The following CDH6 variants were observed in gnomAD, a reference collection of about 807,000 sequenced individuals.
CDH6 encodes the protein cadherin 6.
In CDH6, 31 loss-of-function variants were observed where a neutral mutation model predicts 78.0. The observed-to-expected ratio is 0.40, with a 90% CI of 0.30 to 0.54. CDH6 has a LOEUF of 0.54. Among genes scored for constraint, CDH6 ranks in the 20% least tolerant of loss-of-function variants. The probability of loss-of-function intolerance (pLI) is 0.56; values close to 1 mark genes in which losing one functional copy is unlikely to be tolerated. For synonymous variants in CDH6, 376 were observed against 368.8 expected (o/e 1.02, Z -0.23); for missense variants, 724 against 975.9 (o/e 0.74, Z 3.44).
intron 1 of CDH6, among the ~76,000 whole-genome samples, chr5:31,207,000 A>T (rs541891603): frequency 4.6e-5 from 7 of 152,270 alleles, no homozygotes; most frequent in African/African-American, 1.4e-4. Context: ...TTTGCCACAA[A>T]GCACAAAGCC....
At chr5:31,210,076 TTGTGTGTG>T (rs60543109) in intron 1 of CDH6, among the ~76,000 whole-genome samples, 7 of 146,466 alleles carry the variant, frequency 4.8e-5, no homozygotes, top group Non-Finnish European at 1.1e-4. Context: ...TTTTCTTAAA[TTGTGTGTG>T]TGTGTGTGTG....
Position 31,323,456 on chromosome 5 carries a change from C to T in CDH6, c.*148C>T. ...GTCCGTGTGGATCCAATGTTAGAGA[C>T]TTTTTTCTAGTACACTTTTATGAGC... is the stretch of plus-strand genomic sequence containing the variant. On this transcript the variant is annotated 3_prime_UTR_variant, in exon 12 of 12. Coordinates refer to ENST00000265071, the MANE Select transcript of CDH6 (RefSeq NM_004932.4). 4.4e-6 allele frequency: 4 copies of T among 909,344 alleles called. No homozygotes were observed. The highest frequency in any genetic ancestry group is 2.7e-5 in the Admixed American group (1 of 36,654). The allele number at this position is 909,344 out of a possible 1,614,324, so 56.3% of individuals were successfully genotyped here. A position where few individuals can be genotyped will look rare whatever the true frequency, so the allele number is the denominator to read the frequency against.
At chr5:31,252,225 A>G (rs1009227791) in intron 1 of CDH6, among the ~76,000 whole-genome samples, 1 of 152,198 alleles carries the variant, frequency 6.6e-6, no homozygotes, top group African/African-American at 2.4e-5. Flanking sequence ...ATTTACAGTC[A>G]TAAGAAAGAA....
intron 3 of CDH6, among the ~76,000 whole-genome samples, chr5:31,295,297 A>G (rs1185142126): frequency 2.0e-5 from 3 of 152,128 alleles, no homozygotes; most frequent in African/African-American, 4.8e-5. Context: ...TATAGCAGCA[A>G]TAGAATGGCA....
At chr5:31,199,846 A>T (rs1401214353) in intron 1 of CDH6, among the ~76,000 whole-genome samples, 1 of 151,866 alleles carries the variant, frequency 6.6e-6, no homozygotes, top group African/African-American at 2.4e-5. Flanking sequence ...AGTATTTTAC[A>T]TGCATTTCGC....
chr5:31,285,314 A>G (rs1742982111), intron 2 of CDH6, among the ~76,000 whole-genome samples: 1 of 152,116 alleles, frequency 6.6e-6, no homozygotes, highest in African/African-American at 2.4e-5. Context: ...TTTTTCTCCC[A>G]TCAGTAGTCT....
intron 1 of CDH6, among the ~76,000 whole-genome samples, 189 bp downstream of exon 1, chr5:31,194,075 G>A (rs1740092892): frequency 6.6e-6 from 1 of 152,086 alleles, no homozygotes; most frequent in Non-Finnish European, 1.5e-5. Flanking sequence ...CGCGGGCGGC[G>A]CTGCTGCCGC....
At chr5:31,305,080 A>G (rs146519008) in intron 6 of CDH6, 94 bp from the exon 7 acceptor site, 27 of 1,229,052 alleles carry the variant, frequency 2.2e-5, no homozygotes, top group Non-Finnish European at 2.8e-5. Flanking sequence ...GCATTCATTT[A>G]TCAGTGGTTT....
At chr5:31,322,117 C>T (rs879700964) in intron 11 of CDH6, among the ~76,000 whole-genome samples, 38 of 152,146 alleles carry the variant, frequency 2.5e-4, no homozygotes, top group Non-Finnish European at 4.7e-4. Flanking sequence ...ATCTCACTTA[C>T]ATGTATTTAT....
chr5:31,308,010 G>T (rs1389752607), intron 7 of CDH6, among the ~76,000 whole-genome samples: 2 of 152,074 alleles, frequency 1.3e-5, no homozygotes, highest in African/African-American at 4.8e-5. Context: ...AATACTTATA[G>T]ATATATTGGT....
intron 2 of CDH6, among the ~76,000 whole-genome samples, chr5:31,271,231 A>T (rs892453286): frequency 2.0e-5 from 3 of 152,180 alleles, no homozygotes; most frequent in African/African-American, 7.2e-5. Flanking sequence ...TCATCGTAGG[A>T]TGGTGGAGTG....
chr5:31,239,289 C>A (rs984163483), intron 1 of CDH6, among the ~76,000 whole-genome samples: 4 of 152,048 alleles, frequency 2.6e-5, no homozygotes, highest in Admixed American at 6.6e-5. Flanking sequence ...TGCCAAGGGC[C>A]ACAGAACAAA....
chr5:31,236,581 A>G (rs1741459983), intron 1 of CDH6, among the ~76,000 whole-genome samples: 1 of 152,136 alleles, frequency 6.6e-6, no homozygotes, highest in Non-Finnish European at 1.5e-5. Flanking sequence ...AAACACCATT[A>G]AATCCTCTCC....
intron 6 of CDH6, among the ~76,000 whole-genome samples, chr5:31,304,244 C>A (rs1476900273): frequency 6.6e-6 from 1 of 152,000 alleles, no homozygotes; most frequent in Admixed American, 6.5e-5. Flanking sequence ...CAATGCAAAC[C>A]TGTGGCTCTC....
intron 8 of CDH6, 93 bp downstream of exon 8, chr5:31,313,547 C>A (rs1399079522): frequency 1.8e-5 from 22 of 1,190,340 alleles, no homozygotes; most frequent in Non-Finnish European, 2.5e-5. Context: ...CATGTATTGA[C>A]AATCCCACTT....
rs555719919 is a variant in CDH6, at chr5:31,272,894, A to C, written c.228+5193A>C. Among the ~76,000 whole-genome samples, 10 of 152,342 alleles carry C rather than the reference A, an allele frequency of 6.6e-5. No homozygotes were observed. In the South Asian group the frequency reaches 1.9e-3, roughly 28 times the overall value. On this transcript the variant is annotated intron_variant, in intron 2 of 11. Transcript: ENST00000265071. ...GTTTTGGGGGGATAGTTTTCAAAAA[A>C]ATTGATAGGCTGTATTTTTTTAAAA... is the stretch of plus-strand genomic sequence containing the variant.
chr5:31,202,735 T>C (rs1740392468), intron 1 of CDH6, among the ~76,000 whole-genome samples: 1 of 151,446 alleles, frequency 6.6e-6, no homozygotes, highest in South Asian at 2.1e-4. Context: ...CATATATACA[T>C]ATATGCGTGT....
chr5:31,201,395 C>T (rs998197595), intron 1 of CDH6, among the ~76,000 whole-genome samples: 2 of 151,792 alleles, frequency 1.3e-5, no homozygotes, highest in Non-Finnish European at 2.9e-5. Flanking sequence ...CCCAGGAGAC[C>T]CAAAGTTGTA....
At chr5:31,296,093 A>C (rs771322483) in intron 3 of CDH6, among the ~76,000 whole-genome samples, 1 of 152,166 alleles carries the variant, frequency 6.6e-6, no homozygotes, top group Non-Finnish European at 1.5e-5. Flanking sequence ...AACATACTAC[A>C]ATCTATTTCT....
Sources: gnomAD v4.1 joint callset for allele counts (sites outside exome capture counted in the v4.1 genomes callset) on GRCh38, gnomAD v4.1.1 for gene constraint, MANE v1.5 for transcripts, NCBI Gene and HGNC (gene_info 2026-07-23, HGNC 2026-07-21) for gene names.